CRNKL1: variants seen among roughly 807,000 people sequenced by gnomAD.
CRNKL1 encodes the protein crooked neck-like protein 1.
A neutral mutation model predicts 103.7 loss-of-function variants in CRNKL1; 35 were observed. That is an observed-to-expected ratio of 0.34 (90% confidence interval 0.26 to 0.45). The LOEUF (loss-of-function observed/expected upper bound fraction) is 0.45. Among genes scored for constraint, CRNKL1 ranks in the 20% least tolerant of loss-of-function variants. CRNKL1 has a pLI of 1.00. For missense variants in CRNKL1, 645 were observed against 836.0 expected (o/e 0.77, Z 2.82); for synonymous variants, 267 against 282.6 (o/e 0.94, Z 0.55).
rs184297589 is a variant in CRNKL1 at position 20,041,479 on chromosome 20, A to G, written c.1224+87T>C. On this transcript the variant is annotated intron_variant, in intron 9 of 13. Transcript: ENST00000536226. Reference sequence around the variant, plus strand: ...TGGTGGGACAGGGAAGCATTTTATCAATCAATATTATTTCACTGAATTACT... The same window carrying G: ...TGGTGGGACAGGGAAGCATTTTATCGATCAATATTATTTCACTGAATTACT... The G allele has an allele frequency of 1.6e-4, 165 of 1,059,516 alleles. 1 individual carries two copies. In the African/African-American group the frequency reaches 1.9e-3, roughly 12 times the overall value. 65.6% of individuals were successfully genotyped at this position (1,059,516 alleles called of 1,614,324 possible). A position where few individuals can be genotyped will look rare whatever the true frequency, so the allele number is the denominator to read the frequency against.
At chr20:20,049,301 G>T in intron 3 of CRNKL1, 39 bp downstream of exon 3, 1 of 1,073,602 alleles carries the variant, frequency 9.3e-7, no homozygotes, top group Non-Finnish European at 1.4e-6. Flanking sequence ...GTTAATCTAT[G>T]AATCATTATA....
In CRNKL1 at chr20:20,043,734, A is replaced by G. The variant is rs2043551484; in HGVS notation, c.802-72T>C. 4 of 1,380,720 alleles carry G rather than the reference A, an allele frequency of 2.9e-6. No homozygotes were observed. In the African/African-American group the frequency reaches 4.3e-5, roughly 15 times the overall value. 85.5% of individuals were successfully genotyped at this position (1,380,720 alleles called of 1,614,324 possible). A position where few individuals can be genotyped will look rare whatever the true frequency, so the allele number is the denominator to read the frequency against. ...GCCAGTCACAACTAGGAGAGTAAAT[A>G]TAACAAAATATTACTTATAAGTTAG... On this transcript the variant is annotated intron_variant, in intron 6 of 13. Coordinates refer to ENST00000536226, the MANE Select transcript of CRNKL1 (RefSeq NM_001278628.2).
upstream of CRNKL1, chr20:20,055,818 T>G (rs2044279133): frequency 8.6e-6 from 6 of 693,816 alleles, no homozygotes; most frequent in Non-Finnish European, 5.0e-6. Flanking sequence ...GTTTTCCCTG[T>G]TTTGAGCTCA....
rs189229793 is a variant in CRNKL1 at position 20,036,116 on chromosome 20, A to G, written c.*79T>C. On this transcript the variant is annotated 3_prime_UTR_variant, in exon 14 of 14. Transcript: ENST00000536226. ...AATCAATTTCTTACTGGTGAAATATATAAGAACTTCCAGGAGTCACAAGAG... is the reference window on the plus strand; with the variant it reads ...AATCAATTTCTTACTGGTGAAATATGTAAGAACTTCCAGGAGTCACAAGAG... 252 of 1,398,546 alleles carry G rather than the reference A, an allele frequency of 1.8e-4. No homozygotes were observed. The African/African-American group carries it at 2.4e-3, about 13-fold the overall frequency. 86.6% of individuals were successfully genotyped at this position (1,398,546 alleles called of 1,614,324 possible).
Position 20,036,192 on chromosome 20 carries a change from A to G in CRNKL1, c.*3T>C, listed in dbSNP as rs2043416075. ...AACAAAACATTTGTCTATGAAAAAA[A>G]GATCAGGATTCACTCTCATCGACGT... On this transcript the variant is annotated 3_prime_UTR_variant, in exon 14 of 14. Transcript: ENST00000536226. The G allele has an allele frequency of 6.2e-7, 1 of 1,608,480 alleles. No individual in the cohort carries two copies. Among genetic ancestry groups the G allele is most frequent in the Middle Eastern group, 1.7e-4 (1 of 6,038 alleles).
intron 11 of CRNKL1, 102 bp from the exon 12 acceptor site, chr20:20,038,552 T>C (rs917954903): frequency 4.3e-5 from 28 of 655,540 alleles, no homozygotes; most frequent in Admixed American, 2.9e-4. Context: ...TCTAGGAACA[T>C]AGGATTTTTA....
chr20:20,043,412 A>G (rs759865084), intron 7 of CRNKL1, 80 bp downstream of exon 7: 1 of 1,324,122 alleles, frequency 7.6e-7, no homozygotes, highest in Non-Finnish European at 1.1e-6. Context: ...GCTACTTGCT[A>G]TTATTCATTT....
At chr20:20,038,967 G>C (rs1169063676) in intron 11 of CRNKL1, among the ~76,000 whole-genome samples, 1 of 152,202 alleles carries the variant, frequency 6.6e-6, no homozygotes, top group Non-Finnish European at 1.5e-5. Flanking sequence ...GCAGTCTGGT[G>C]GAGGAGCCGA....
Position 20,037,429 on chromosome 20 carries a change from C to A in CRNKL1, c.1790G>T (p.Trp597Leu), listed in dbSNP as rs1299328955. 1.2e-6 allele frequency: 2 copies of A among 1,614,124 alleles called. No individual in the cohort carries two copies. The highest frequency in any genetic ancestry group is 2.2e-5 in the South Asian group (2 of 91,086). The change falls in exon 13 of 14, where the codon TGG becomes TTG. Residue 597 changes from tryptophan (W) to leucine (L), a missense_variant. Physicochemically the swap from Trp to Leu is moderately conservative, Grantham distance 61. Coordinates refer to ENST00000536226, the MANE Select transcript of CRNKL1 (RefSeq NM_001278628.2). The part of the protein sequence containing the change: ...KEERLMLLES[W>L]RSFEEEFGTA... ...TCCAAATTCTTCTTCAAAACTTCGC[C>A]AAGATTCCAGCAGCATAAGTCTCTC...
intron 7 of CRNKL1, 81 bp from the exon 8 acceptor site, chr20:20,042,597 T>C (rs1326380245): frequency 2.3e-6 from 3 of 1,305,360 alleles, no homozygotes; most frequent in Middle Eastern, 1.9e-4. Flanking sequence ...AAAAAAGGCA[T>C]CAGGCTGACT....
Position 20,043,670 on chromosome 20 carries a change from C to T in CRNKL1, c.802-8G>A. 6.2e-7 allele frequency: 1 copy of T among 1,609,626 alleles called. No homozygotes were observed. The highest frequency in any genetic ancestry group is 1.7e-4 in the Middle Eastern group (1 of 6,002). ...CACTCGTACCCTTTCAAACTAAATG[C>T]AGACAGGATGATTACCTTCTATAAC... On this transcript the variant is annotated splice_region_variant and splice_polypyrimidine_tract_variant and intron_variant, in intron 6 of 13. Coordinates refer to ENST00000536226, the MANE Select transcript of CRNKL1 (RefSeq NM_001278628.2).
In CRNKL1 at chr20:20,048,079, G is replaced by T. The variant is rs2043623269; in HGVS notation, c.456-148C>A. 3.5e-6 allele frequency: 4 copies of T among 1,128,686 alleles called. No homozygotes were observed. The East Asian group carries it at 1.0e-4, about 29-fold the overall frequency. 69.9% of individuals were successfully genotyped at this position (1,128,686 alleles called of 1,614,324 possible). A position where few individuals can be genotyped will look rare whatever the true frequency, so the allele number is the denominator to read the frequency against. ...AAATCTGAAAAAGGATGAACCATTG[G>T]AAAAAAAGATTTTTTTTTCTTAAAA... On this transcript the variant is annotated intron_variant, in intron 4 of 13. Coordinates refer to ENST00000536226, the MANE Select transcript of CRNKL1 (RefSeq NM_001278628.2).
At chr20:20,048,957 G>A (rs756953972) in intron 3 of CRNKL1, among the ~76,000 whole-genome samples, 14 of 152,098 alleles carry the variant, frequency 9.2e-5, no homozygotes, top group South Asian at 8.3e-4. Context: ...GGAGGTATGC[G>A]GGGAGAATGC....
intron 5 of CRNKL1, among the ~76,000 whole-genome samples, chr20:20,047,514 GA>G (rs1424885491): frequency 6.6e-6 from 1 of 152,118 alleles, no homozygotes; most frequent in Non-Finnish European, 1.5e-5. Flanking sequence ...TTTCCACAAG[GA>G]AACATTAGCT....
upstream of CRNKL1, among the ~76,000 whole-genome samples, chr20:20,054,000 G>GTTTTTTT (rs772688050): frequency 2.0e-5 from 2 of 99,432 alleles, no homozygotes; most frequent in African/African-American, 7.4e-5. Flanking sequence ...CTCTGTGTGT[G>GTTTTTTT]TTTTTTTTGT....
At chr20:20,054,013 G>GTTTTTTTTTTT (rs1239349657), upstream of CRNKL1, among the ~76,000 whole-genome samples, 5 of 59,102 alleles carry the variant, frequency 8.5e-5, no homozygotes, top group Non-Finnish European at 1.1e-4. Flanking sequence ...TTTTTTGTTT[G>GTTTTTTTTTTT]TTTTTTTTTT....
At chr20:20,053,812 A>C (rs979731896), upstream of CRNKL1, among the ~76,000 whole-genome samples, 1 of 152,174 alleles carries the variant, frequency 6.6e-6, no homozygotes, top group African/African-American at 2.4e-5. Context: ...AATATTAAAA[A>C]GATGTTTCTT....
chr20:20,050,298 T>C (rs1211281626), intron 2 of CRNKL1, among the ~76,000 whole-genome samples, 172 bp downstream of exon 2: 1 of 152,226 alleles, frequency 6.6e-6, no homozygotes, highest in Non-Finnish European at 1.5e-5. Flanking sequence ...TCATGGCATA[T>C]TTTATATAGT....
chr20:20,048,460 C>G lies in CRNKL1; in HGVS notation c.338G>C (p.Arg113Pro). ...IYERALDVDYRNITLWLKYAE... is the reference protein window; with the variant it reads ...IYERALDVDYPNITLWLKYAE... ...GTATTTCAGCCAGAGTGTAATATTTCGGTAGTCTACATCTAAAGCACGCTC... is the reference window on the plus strand; with the variant it reads ...GTATTTCAGCCAGAGTGTAATATTTGGGTAGTCTACATCTAAAGCACGCTC... Residue 113 changes from arginine to proline, a missense_variant, in exon 4 of 14, where the codon CGA (arginine) becomes CCA (proline). Transcript: ENST00000536226. 2 of 1,614,138 alleles carry G rather than the reference C, an allele frequency of 1.2e-6. No homozygotes were observed. Among genetic ancestry groups the G allele is most frequent in the Non-Finnish European group, 1.7e-6 (2 of 1,180,020 alleles).
Sources: allele counts gnomAD v4.1 joint callset (sites outside exome capture counted in the v4.1 genomes callset), GRCh38; gene constraint gnomAD v4.1.1; transcripts MANE v1.5; gene names NCBI Gene and HGNC (gene_info 2026-07-23, HGNC 2026-07-21).